Variants in BAZ2B observed in about 807,000 individuals in gnomAD.
BAZ2B encodes bromodomain adjacent to zinc finger domain 2B.
A neutral mutation model predicts 246.0 loss-of-function variants in BAZ2B; 91 were observed. The observed-to-expected ratio is 0.37, with a 90% confidence interval of 0.31 to 0.44. The LOEUF is 0.44. Among genes scored for constraint, BAZ2B ranks in the 20% least tolerant of loss-of-function variants. BAZ2B has a pLI of 1.00. For missense variants in BAZ2B, 2,332 were observed against 2,533.7 expected, an observed-to-expected ratio of 0.92 and a Z score of 1.71; for synonymous variants, 855 against 860.0, an observed-to-expected ratio of 0.99 and a Z score of 0.10.
chr2:159,699,087 G>A, the BAZ2B span, among the ~76,000 whole-genome samples: 69,527 of 152,036 alleles, frequency 0.46, 16,750 homozygotes, highest in Middle Eastern at 0.64. Context: ...ATGTGGTAAC[G>A]GAGCAAGGAA....
chr2:159,504,418 A>C (rs1413100541), intron 2 of BAZ2B, among the ~76,000 whole-genome samples: 2 of 152,154 alleles, frequency 1.3e-5, no homozygotes, highest in Non-Finnish European at 2.9e-5. Flanking sequence ...AGTGCACTTT[A>C]GCCTCTAACT....
chr2:159,638,255 A>T, the BAZ2B span, among the ~76,000 whole-genome samples: 1 of 152,216 alleles, frequency 6.6e-6, no homozygotes, highest in Non-Finnish European at 1.5e-5. Context: ...GAATACCTAG[A>T]AAGACTTCTC....
At chr2:159,395,201 A>G (rs2063848602) in intron 20 of BAZ2B, among the ~76,000 whole-genome samples, 1 of 152,218 alleles carries the variant, frequency 6.6e-6, no homozygotes, top group Admixed American at 6.5e-5. Context: ...ACTCTATTCA[A>G]CTGTTTCAAT....
chr2:159,410,668 C>T (rs1317892966), intron 14 of BAZ2B, among the ~76,000 whole-genome samples: 1 of 152,148 alleles, frequency 6.6e-6, no homozygotes, highest in African/African-American at 2.4e-5. Context: ...TAGACTAATA[C>T]ACATACTAAG....
At chr2:159,482,861 A>C (rs1387604857) in intron 2 of BAZ2B, among the ~76,000 whole-genome samples, 1 of 152,224 alleles carries the variant, frequency 6.6e-6, no homozygotes, top group African/African-American at 2.4e-5. Flanking sequence ...TCTTTTTAGA[A>C]AAATATATTC....
chr2:159,440,604 C>T (rs774855008), intron 6 of BAZ2B, among the ~76,000 whole-genome samples: 2 of 151,374 alleles, frequency 1.3e-5, no homozygotes, highest in African/African-American at 2.4e-5. Flanking sequence ...GCAACCTCTG[C>T]CTCCCAGGTT....
intron 2 of BAZ2B, among the ~76,000 whole-genome samples, chr2:159,486,392 C>T (rs887289890): frequency 1.3e-5 from 2 of 151,860 alleles, no homozygotes; most frequent in Non-Finnish European, 1.5e-5. Flanking sequence ...TCATATTACT[C>T]TATATAAAAT....
At chr2:159,591,107 G>A (rs1348812312) in intron 1 of BAZ2B, among the ~76,000 whole-genome samples, 1 of 152,044 alleles carries the variant, frequency 6.6e-6, no homozygotes. Flanking sequence ...AAATCTCATT[G>A]CCTAAAACTT....
chr2:159,340,157 C>T (rs1037799466), intron 31 of BAZ2B, among the ~76,000 whole-genome samples: 79 of 150,986 alleles, frequency 5.2e-4, no homozygotes, highest in African/African-American at 1.8e-3. Context: ...ACAGACTAGA[C>T]CAAGGGGAAG....
the BAZ2B span, among the ~76,000 whole-genome samples, chr2:159,630,565 GCT>G: frequency 6.8e-6 from 1 of 147,592 alleles, no homozygotes; most frequent in East Asian, 2.0e-4. Flanking sequence ...ACGGAGTCTC[GCT>G]CTGTCGCCCA....
chr2:159,698,645 ACTG>A, the BAZ2B span, among the ~76,000 whole-genome samples: 1 of 152,052 alleles, frequency 6.6e-6, no homozygotes, highest in Non-Finnish European at 1.5e-5. Context: ...AATATGGACT[ACTG>A]CTACTTCATA....
chr2:159,511,768 A>G (rs1204325986), intron 2 of BAZ2B, among the ~76,000 whole-genome samples: 1 of 152,208 alleles, frequency 6.6e-6, no homozygotes, highest in Non-Finnish European at 1.5e-5. Context: ...AAGTGGAATT[A>G]ATTAAAATAT....
chr2:159,369,907 T>C (rs2060634403), intron 27 of BAZ2B, among the ~76,000 whole-genome samples: 1 of 152,146 alleles, frequency 6.6e-6, no homozygotes, highest in Non-Finnish European at 1.5e-5. Context: ...CTGGGTCAAA[T>C]GGTATTTCAA....
intron 27 of BAZ2B, among the ~76,000 whole-genome samples, chr2:159,361,261 A>G (rs1412297257): frequency 1.3e-5 from 2 of 152,216 alleles, no homozygotes; most frequent in African/African-American, 4.8e-5. Flanking sequence ...ACAAGAAAAT[A>G]TAAACAACCC....
intron 3 of BAZ2B, among the ~76,000 whole-genome samples, chr2:159,473,370 T>G (rs1413533087): frequency 6.6e-6 from 1 of 152,256 alleles, no homozygotes; most frequent in Non-Finnish European, 1.5e-5. Flanking sequence ...GTGTTTATAG[T>G]ACTCTCTGAT....
At chr2:159,545,671 C>T (rs2087231475) in intron 2 of BAZ2B, among the ~76,000 whole-genome samples, 1 of 152,100 alleles carries the variant, frequency 6.6e-6, no homozygotes, top group Non-Finnish European at 1.5e-5. Context: ...GAGACAGACT[C>T]TAATGAAACT....
chr2:159,695,898 A>C, the BAZ2B span, among the ~76,000 whole-genome samples: 11 of 152,052 alleles, frequency 7.2e-5, no homozygotes, highest in Admixed American at 7.2e-4. Flanking sequence ...AGGAATACAG[A>C]CACGCATGCC....
chr2:159,703,066 CAAAACA>C, the BAZ2B span, among the ~76,000 whole-genome samples: 756 of 134,896 alleles, frequency 5.6e-3, 6 homozygotes, highest in African/African-American at 0.019. Context: ...CAAAAACAAA[CAAAACA>C]AAAACAAAAA....
intron 19 of BAZ2B, chr2:159,396,922 A>G (rs2064113426): frequency 4.2e-6 from 1 of 238,234 alleles, no homozygotes; most frequent in African/African-American, 2.3e-5. Context: ...TAGACAGACA[A>G]GCAGATGTAT....
Sources: allele counts gnomAD v4.1 joint callset (sites outside exome capture counted in the v4.1 genomes callset), GRCh38; gene constraint gnomAD v4.1.1; transcripts MANE v1.5; gene names NCBI Gene and HGNC (gene_info 2026-07-23, HGNC 2026-07-21).